AADAT: variants seen among roughly 807,000 people sequenced by gnomAD.
The protein encoded by AADAT is aminoadipate aminotransferase, also known as kynurenine/alpha-aminoadipate aminotransferase, mitochondrial.
A neutral mutation model predicts 56.2 loss-of-function variants in AADAT; 25 were observed. That is an observed-to-expected ratio of 0.44 (90% CI 0.32 to 0.62). AADAT has a LOEUF of 0.62. AADAT is among the 20% of genes least tolerant of loss of function. The pLI, the probability that AADAT is intolerant of heterozygous loss-of-function variation, is 0.04. For synonymous variants in AADAT, 173 were observed against 164.7 expected, an observed-to-expected ratio of 1.05 and a Z score of -0.39; for missense variants, 387 against 510.5, an observed-to-expected ratio of 0.76 and a Z score of 2.33.
intron 11 of AADAT, 91 bp from the exon 12 acceptor site, chr4:170,062,084 G>T: frequency 1.3e-6 from 1 of 762,270 alleles, no homozygotes; most frequent in Non-Finnish European, 2.0e-6. Context: ...AGGGAAGGAT[G>T]TTTTAAGTTT....
intron 2 of AADAT, 152 bp downstream of exon 2, chr4:170,088,244 G>A (rs565518011): frequency 2.9e-6 from 2 of 696,614 alleles, no homozygotes; most frequent in Non-Finnish European, 4.4e-6. Flanking sequence ...CAATGACTGA[G>A]TATTTGGTCA....
chr4:170,083,351 T>C (rs1732406749), intron 3 of AADAT, among the ~76,000 whole-genome samples: 1 of 151,948 alleles, frequency 6.6e-6, no homozygotes, highest in African/African-American at 2.4e-5. Flanking sequence ...GGAAACGCAA[T>C]ATACTAAAAT....
At chr4:170,085,305 A>G (rs1732503461) in intron 3 of AADAT, among the ~76,000 whole-genome samples, 1 of 152,154 alleles carries the variant, frequency 6.6e-6, no homozygotes, top group Non-Finnish European at 1.5e-5. Flanking sequence ...TCAAGGGTCA[A>G]CTGTAAATAT....
At chr4:170,085,751 TAATTA>T (rs1732528526) in intron 3 of AADAT, among the ~76,000 whole-genome samples, 1 of 152,200 alleles carries the variant, frequency 6.6e-6, no homozygotes, top group African/African-American at 2.4e-5. Flanking sequence ...TTACTTTTCC[TAATTA>T]AATACAAAAA....
rs1731518526 is a variant in AADAT, at chr4:170,067,329, G to A, written c.960C>T (p.Asp320=). Residue 320 remains aspartate, a splice_region_variant and synonymous_variant, in exon 9 of 13, where the codon GAC becomes GAT. Coordinates refer to ENST00000337664, the MANE Select transcript of AADAT (RefSeq NM_016228.4). ...TATTTAAAGAAATGATACAATACCTGTCTACATGAGCCATGAAACCTTCTT... is the reference window on the plus strand; with the variant it reads ...TATTTAAAGAAATGATACAATACCTATCTACATGAGCCATGAAACCTTCTT... ...WGEEGFMAHV[D]RVIDFYSNQK... 6.2e-7 allele frequency: 1 copy of A among 1,611,838 alleles called. No homozygotes were observed. The highest frequency in any genetic ancestry group is 1.1e-5 in the South Asian group (1 of 90,984).
At chr4:170,087,288 A>C (rs1732609112) in intron 2 of AADAT, 40 bp from the exon 3 acceptor site, 6 of 1,578,220 alleles carry the variant, frequency 3.8e-6, no homozygotes, top group Non-Finnish European at 5.2e-6. Flanking sequence ...TAGTAGTAAA[A>C]ATCATAGTAA....
At chr4:170,079,384 AT>A (rs1455345083) in intron 3 of AADAT, among the ~76,000 whole-genome samples, 1 of 152,208 alleles carries the variant, frequency 6.6e-6, no homozygotes, top group Non-Finnish European at 1.5e-5. Context: ...GCAAGTAAGG[AT>A]TTTAGGAAGA....
At chr4:170,078,483 T>C in intron 4 of AADAT, 26 bp downstream of exon 4, 2 of 1,439,202 alleles carry the variant, frequency 1.4e-6, no homozygotes, top group Non-Finnish European at 1.9e-6. Context: ...ACAAGAGAGT[T>C]GCCTTTAGTA....
intron 8 of AADAT, 148 bp from the exon 9 acceptor site, chr4:170,067,536 C>A: frequency 1.8e-6 from 1 of 569,404 alleles, no homozygotes; most frequent in Non-Finnish European, 3.2e-6. Context: ...TGATTTAAAA[C>A]AAATGTCAAT....
chr4:170,066,609 G>T, intron 9 of AADAT, 131 bp from the exon 10 acceptor site: 1 of 655,000 alleles, frequency 1.5e-6, no homozygotes, highest in African/African-American at 1.8e-5. Context: ...ATAGAAGAAT[G>T]GAGCATATTT....
chr4:170,074,896 T>C (rs1731961858), intron 4 of AADAT, among the ~76,000 whole-genome samples: 1 of 152,066 alleles, frequency 6.6e-6, no homozygotes, highest in Admixed American at 6.6e-5. Context: ...ACTTAAGAAA[T>C]AATAATTGAA....
intron 10 of AADAT, 42 bp from the exon 11 acceptor site, chr4:170,064,867 C>T: frequency 2.6e-6 from 4 of 1,552,668 alleles, no homozygotes; most frequent in Non-Finnish European, 3.5e-6. Flanking sequence ...CAAAGGAAGG[C>T]ATTTTTGATG....
At chr4:170,090,035 G>A (rs752948551), upstream of AADAT, 740 of 153,812 alleles carry the variant, frequency 4.8e-3, 8 homozygotes, top group Non-Finnish European at 4.5e-3. Context: ...CGTGGCCTAT[G>A]GCCGCCCGCG....
chr4:170,071,929 G>A lies in AADAT; in HGVS notation c.654+1207C>T, dbSNP rs992926209. ...TTTATGGAGATGGAGAATGTGAGAG[G>A]CTGTAGATCAGAGGTTTGGGGTGGG... On this transcript the variant is annotated intron_variant, in intron 5 of 12. Coordinates refer to ENST00000337664, the MANE Select transcript of AADAT (RefSeq NM_016228.4). Among the ~76,000 whole-genome samples, 9 of 152,130 alleles carry A rather than the reference G, an allele frequency of 5.9e-5. No homozygotes were observed. The East Asian group carries it at 1.7e-3, about 29-fold the overall frequency.
intron 3 of AADAT, among the ~76,000 whole-genome samples, chr4:170,079,363 A>G (rs936435555): frequency 6.6e-6 from 1 of 152,210 alleles, no homozygotes; most frequent in Non-Finnish European, 1.5e-5. Context: ...TAGGCATTTG[A>G]GCCAAGGGAG....
At chr4:170,067,618 T>A (rs1459965558) in intron 8 of AADAT, among the ~76,000 whole-genome samples, 1 of 152,182 alleles carries the variant, frequency 6.6e-6, no homozygotes, top group Non-Finnish European at 1.5e-5. Flanking sequence ...GGCACTGTTG[T>A]AAGATACTAA....
At chr4:170,089,554 G>C (rs1732733368) in intron 1 of AADAT, 70 bp downstream of exon 1, 11 of 1,584,234 alleles carry the variant, frequency 6.9e-6, no homozygotes, top group Non-Finnish European at 9.5e-6. Flanking sequence ...TGGCTTGCTA[G>C]GGAACCCTCC....
intron 3 of AADAT, among the ~76,000 whole-genome samples, chr4:170,085,944 A>G (rs553985184): frequency 6.6e-5 from 10 of 152,322 alleles, no homozygotes; most frequent in African/African-American, 2.4e-4. Context: ...GTCATAGATT[A>G]ATTTAGATCT....
chr4:170,076,663 TAG>T (rs1003632015), intron 4 of AADAT, among the ~76,000 whole-genome samples: 2 of 152,206 alleles, frequency 1.3e-5, no homozygotes, highest in Non-Finnish European at 2.9e-5. Flanking sequence ...TCCCACTGTA[TAG>T]ACTCTTTTTT....
Sources: gnomAD v4.1 joint callset for allele counts (sites outside exome capture counted in the v4.1 genomes callset) on GRCh38, gnomAD v4.1.1 for gene constraint, MANE v1.5 for transcripts, NCBI Gene and HGNC (gene_info 2026-07-23, HGNC 2026-07-21) for gene names.